PTPRE: variants seen among roughly 807,000 people sequenced by gnomAD.
PTPRE encodes receptor-type tyrosine-protein phosphatase epsilon.
In PTPRE, 51 loss-of-function variants were observed where a neutral mutation model predicts 102.0. That is an observed-to-expected ratio of 0.50 (90% CI 0.40 to 0.63). PTPRE has a LOEUF of 0.63. Among genes scored for constraint, PTPRE ranks in the 30% least tolerant of loss-of-function variants. PTPRE has a pLI of 0.00. For synonymous variants in PTPRE, 345 were observed against 348.2 expected (o/e 0.99, Z 0.10); for missense variants, 752 against 915.1 (o/e 0.82, Z 2.30).
At chr10:128,021,192 G>A (rs1845854165) in intron 2 of PTPRE, among the ~76,000 whole-genome samples, 1 of 152,154 alleles carries the variant, frequency 6.6e-6, no homozygotes, top group South Asian at 2.1e-4. Context: ...ACCGCGCCCG[G>A]CCGAGTGTCT....
intron 1 of PTPRE, among the ~76,000 whole-genome samples, chr10:127,969,752 G>A (rs1234918424): frequency 6.6e-6 from 1 of 152,058 alleles, no homozygotes; most frequent in African/African-American, 2.4e-5. Context: ...AAAGGAGACG[G>A]TCAGACTGGG....
chr10:127,934,367 T>A (rs1368507603), intron 1 of PTPRE: 1 of 152,062 alleles, frequency 6.6e-6, no homozygotes, highest in African/African-American at 2.4e-5. Flanking sequence ...GAAGAGAGAG[T>A]CAGACTCCCT....
At chr10:128,074,984 CTT>C (rs60715482) in intron 17 of PTPRE, among the ~76,000 whole-genome samples, 4,466 of 152,256 alleles carry the variant, frequency 0.029, 175 homozygotes, top group East Asian at 0.14. Flanking sequence ...TTTAAAACAT[CTT>C]TTAAAATCAC....
chr10:128,008,544 G>A lies in PTPRE; in HGVS notation c.-8+26248G>A, dbSNP rs145919190. On this transcript the variant is annotated intron_variant, in intron 2 of 20. Coordinates refer to ENST00000254667, the MANE Select transcript of PTPRE (RefSeq NM_006504.6). The surrounding 1 kb of genome is among the most constrained non-coding windows in gnomAD (Gnocchi z 4.0). ...AGGTCAGGGGACTCTGGAGTTGGGGGTGGTATTTCCTGGGAGACAGCCAGC... is the reference window on the plus strand; with the variant it reads ...AGGTCAGGGGACTCTGGAGTTGGGGATGGTATTTCCTGGGAGACAGCCAGC... Among the ~76,000 whole-genome samples, 563 of 152,302 alleles carry A rather than the reference G, an allele frequency of 3.7e-3. 1 individual carries two copies. The highest frequency in any genetic ancestry group is 0.014 in the Middle Eastern group (4 of 294).
At chr10:127,913,674 C>T (rs1446916599) in intron 1 of PTPRE, among the ~76,000 whole-genome samples, 4 of 152,150 alleles carry the variant, frequency 2.6e-5, no homozygotes, top group Admixed American at 1.3e-4. Flanking sequence ...CTCTGAGGGT[C>T]GGGAACGCAC....
In PTPRE at chr10:128,073,352, G is replaced by A; in HGVS notation, c.1480G>A (p.Asp494Asn). The change falls in exon 17 of 21, where the codon GAC (aspartate) becomes AAC (asparagine). Residue 494 changes from aspartate (D) to asparagine (N), a missense_variant. By Grantham distance (23) the Asp-to-Asn change is conservative. Transcript: ENST00000254667. ...ASFIDGYRQK[D>N]YFIATQGPLA... Reference sequence around the variant, plus strand: ...CCATTTGAAGGGCTACCGACAGAAGGACTATTTCATCGCCACCCAGGGGCC... The same window carrying A: ...CCATTTGAAGGGCTACCGACAGAAGAACTATTTCATCGCCACCCAGGGGCC... 2 of 1,614,222 alleles carry A rather than the reference G, an allele frequency of 1.2e-6. No individual in the cohort carries two copies. Among genetic ancestry groups the A allele is most frequent in the East Asian group, 2.2e-5 (1 of 44,882 alleles).
In PTPRE at chr10:128,082,821, T is replaced by C. The variant is rs754548158; in HGVS notation, c.2029-11T>C. 6 of 1,552,718 alleles carry C rather than the reference T, an allele frequency of 3.9e-6. No homozygotes were observed. The highest frequency in any genetic ancestry group is 5.2e-6 in the Non-Finnish European group (6 of 1,161,194). On this transcript the variant is annotated splice_polypyrimidine_tract_variant and intron_variant, in intron 20 of 20. Transcript: ENST00000254667. ...AATATCATTTTAATGTGTCCTTGTTTGTCTTTTCAGGAACAGTATGAATTC... is the reference window on the plus strand; with the variant it reads ...AATATCATTTTAATGTGTCCTTGTTCGTCTTTTCAGGAACAGTATGAATTC...
intron 1 of PTPRE, among the ~76,000 whole-genome samples, chr10:127,946,790 C>G (rs1447797770): frequency 1.3e-5 from 2 of 152,148 alleles, no homozygotes; most frequent in Non-Finnish European, 2.9e-5. Context: ...TCCCAGCACT[C>G]TGAGAGGCTG....
chr10:128,023,334 T>C (rs1173944862), intron 2 of PTPRE, among the ~76,000 whole-genome samples: 1 of 151,778 alleles, frequency 6.6e-6, no homozygotes, highest in Non-Finnish European at 1.5e-5. Flanking sequence ...ATACATAGTA[T>C]GTATAGGAAA....
rs554958320 is a variant in PTPRE at position 128,033,805 on chromosome 10, C to G, written c.-7-7070C>G. Among the ~76,000 whole-genome samples the G allele has an allele frequency of 1.5e-4, 22 of 151,276 alleles. No homozygotes were observed. In the South Asian group the frequency reaches 4.6e-3, roughly 31 times the overall value. Reference sequence around the variant, plus strand: ...GATTACAGGCGTGCACCACATCACCCATCTAATTTTTGTATTTTTAGTAGA... The same window carrying G: ...GATTACAGGCGTGCACCACATCACCGATCTAATTTTTGTATTTTTAGTAGA... On this transcript the variant is annotated intron_variant, in intron 2 of 20. Transcript: ENST00000254667.
chr10:128,004,856 G>A (rs7085243), intron 2 of PTPRE, among the ~76,000 whole-genome samples: 78,187 of 152,034 alleles, frequency 0.51, 20,237 homozygotes, highest in South Asian at 0.71. Flanking sequence ...TACCAGCAAT[G>A]TCTGGGGGTT....
At chr10:128,075,804 C>T (rs1186514133) in intron 17 of PTPRE, among the ~76,000 whole-genome samples, 1 of 152,168 alleles carries the variant, frequency 6.6e-6, no homozygotes, top group African/African-American at 2.4e-5. Flanking sequence ...ATTCCAAGGT[C>T]AACCCCATCA....
At chr10:127,929,063 A>G (rs1366912174) in intron 1 of PTPRE, among the ~76,000 whole-genome samples, 1 of 152,238 alleles carries the variant, frequency 6.6e-6, no homozygotes, top group Non-Finnish European at 1.5e-5. Flanking sequence ...CTTTTAAATT[A>G]CACACGTGCT....
rs77663839 is a variant in PTPRE, at chr10:127,995,446, A to G, written c.-8+13150A>G. 2.0e-5 allele frequency among the ~76,000 whole-genome samples: 3 copies of G among 152,274 alleles called. No individual in the cohort carries two copies. In the East Asian group the frequency reaches 5.8e-4, roughly 29 times the overall value. ...TCTTACTAAATGTATCCAGAAGCCAAGGCAAGCTAGGAGGAGGAGTGGGAT... is the reference window on the plus strand; with the variant it reads ...TCTTACTAAATGTATCCAGAAGCCAGGGCAAGCTAGGAGGAGGAGTGGGAT... On this transcript the variant is annotated intron_variant, in intron 2 of 20. Coordinates refer to ENST00000254667, the MANE Select transcript of PTPRE (RefSeq NM_006504.6).
At chr10:128,056,552 AGTCT>A (rs1317354830) in intron 7 of PTPRE, among the ~76,000 whole-genome samples, 2 of 152,196 alleles carry the variant, frequency 1.3e-5, no homozygotes, top group African/African-American at 4.8e-5. Context: ...CCTGGCACCC[AGTCT>A]AGGCCTGCCA....
At chr10:128,065,679 G>A (rs1850019374) in intron 10 of PTPRE, among the ~76,000 whole-genome samples, 1 of 152,202 alleles carries the variant, frequency 6.6e-6, no homozygotes, top group Non-Finnish European at 1.5e-5. Flanking sequence ...TGAATCCAGT[G>A]GGAAATGTCT....
At position 127,907,700 on chromosome 10, in the gene PTPRE, G is replaced by C. The variant is rs947387154; in HGVS notation, c.-31+391G>C. On this transcript the variant is annotated intron_variant, in intron 1 of 20. Transcript: ENST00000254667. This position sits in a 1 kb window ranked among gnomAD's most constrained non-coding sequence, Gnocchi z 4.8. ...CAGAGAGGGGGTGCAGGCCGCGCGT[G>C]GGGGGCTGCGCCCACTCGAGGCTGG... Among the ~76,000 whole-genome samples, 1 of 152,144 alleles carries C rather than the reference G, an allele frequency of 6.6e-6. No homozygotes were observed. Among genetic ancestry groups the C allele is most frequent in the African/African-American group, 2.4e-5 (1 of 41,444 alleles).
At chr10:128,074,482 A>G (rs1301868366) in intron 17 of PTPRE, among the ~76,000 whole-genome samples, 1 of 152,228 alleles carries the variant, frequency 6.6e-6, no homozygotes, top group African/African-American at 2.4e-5. Context: ...CCTGGCCAAC[A>G]TGGCAAAACC....
chr10:128,005,916 A>G (rs1854494665), intron 2 of PTPRE, among the ~76,000 whole-genome samples: 1 of 152,012 alleles, frequency 6.6e-6, no homozygotes, highest in African/African-American at 2.4e-5. Context: ...GGCATTCCCC[A>G]GCTTGTGGTT....
Sources: gnomAD v4.1 joint callset for allele counts (sites outside exome capture counted in the v4.1 genomes callset) on GRCh38, gnomAD v4.1.1 for gene constraint, Gnocchi (gnomAD v3.1) non-coding constraint, MANE v1.5 for transcripts, NCBI Gene and HGNC (gene_info 2026-07-23, HGNC 2026-07-21) for gene names.